The following ANKH variants were observed in gnomAD, a reference collection of about 807,000 sequenced individuals.
ANKH encodes mineralization regulator ANKH.
A neutral mutation model predicts 49.0 loss-of-function variants in ANKH; 15 were observed. The ratio of observed to expected loss-of-function variants is 0.31; its 90% CI spans 0.20 to 0.47. The LOEUF is 0.47. ANKH is among the 20% of genes least tolerant of loss of function. The pLI is 1.00. For missense variants in ANKH, 429 were observed against 652.0 expected, an observed-to-expected ratio of 0.66 and a Z score of 3.72; for synonymous variants, 273 against 260.0, an observed-to-expected ratio of 1.05 and a Z score of -0.48.
At chr5:14,771,937 A>AC (rs377017231) in intron 1 of ANKH, among the ~76,000 whole-genome samples, 18,627 of 140,392 alleles carry the variant, frequency 0.13, 1,826 homozygotes, top group East Asian at 0.43. Flanking sequence ...AAAAAAAAAA[A>AC]AAAAAAAAAA....
chr5:14,801,695 T>C (rs1383939611), intron 1 of ANKH, among the ~76,000 whole-genome samples: 1 of 152,184 alleles, frequency 6.6e-6, no homozygotes, highest in Non-Finnish European at 1.5e-5. Flanking sequence ...TCACCTCTAC[T>C]GTGACATGAA....
chr5:14,777,185 C>T (rs960780545), intron 1 of ANKH, among the ~76,000 whole-genome samples: 36 of 152,124 alleles, frequency 2.4e-4, no homozygotes, highest in Non-Finnish European at 4.6e-4. Flanking sequence ...ACTCTGGAGG[C>T]TGAGGCAGAA....
chr5:14,838,780 T>A (rs1741733318), intron 1 of ANKH, among the ~76,000 whole-genome samples: 1 of 152,160 alleles, frequency 6.6e-6, no homozygotes, highest in South Asian at 2.1e-4. Context: ...AATCACTTAA[T>A]GAGCATAACA....
chr5:14,823,963 C>T (rs1741268125), intron 1 of ANKH, among the ~76,000 whole-genome samples: 1 of 152,040 alleles, frequency 6.6e-6, no homozygotes, highest in Non-Finnish European at 1.5e-5. Context: ...CTTTCTTTCT[C>T]CCTGTGGTTC....
At chr5:14,808,281 T>C (rs1389178204) in intron 1 of ANKH, among the ~76,000 whole-genome samples, 1 of 152,134 alleles carries the variant, frequency 6.6e-6, no homozygotes, top group Non-Finnish European at 1.5e-5. Flanking sequence ...AATGTAGAGT[T>C]TGTAAATCTT....
At chr5:14,790,285 C>A (rs1740121438) in intron 1 of ANKH, among the ~76,000 whole-genome samples, 1 of 152,214 alleles carries the variant, frequency 6.6e-6, no homozygotes, top group Non-Finnish European at 1.5e-5. Flanking sequence ...AATTTTTAAA[C>A]CCCTCAAACA....
At chr5:14,793,076 TA>T (rs1740253834) in intron 1 of ANKH, among the ~76,000 whole-genome samples, 1 of 115,998 alleles carries the variant, frequency 8.6e-6, no homozygotes. Flanking sequence ...TATAAATATA[TA>T]AAAATATATA....
At position 14,738,007 on chromosome 5, in the gene ANKH, A is replaced by G. The variant is rs896074693; in HGVS notation, c.1011+3820T>C. Among the ~76,000 whole-genome samples, 20 of 152,254 alleles carry G rather than the reference A, an allele frequency of 1.3e-4. 1 individual carries two copies. In the South Asian group the frequency reaches 3.3e-3, roughly 25 times the overall value. On this transcript the variant is annotated intron_variant, in intron 8 of 11. Transcript: ENST00000284268. ...CAAGATGCTAACGGAAATGGCGAAC[A>G]TTTCCATTTTCCTACTCTACACCCC...
At chr5:14,778,731 C>T (rs751012765) in intron 1 of ANKH, among the ~76,000 whole-genome samples, 11 of 152,322 alleles carry the variant, frequency 7.2e-5, no homozygotes, top group Admixed American at 2.6e-4. Flanking sequence ...CTTAACCCCA[C>T]TCTTGCCAAA....
rs552173773 is a variant in ANKH, at chr5:14,740,675, C to G, written c.1011+1152G>C. Reference sequence around the variant, plus strand: ...AGGTGTTGGATCAACGGATCAAATACTAAGCTGCAGGCTTTCAAAATGTCC... The same window carrying G: ...AGGTGTTGGATCAACGGATCAAATAGTAAGCTGCAGGCTTTCAAAATGTCC... On this transcript the variant is annotated intron_variant, in intron 8 of 11. Coordinates refer to ENST00000284268, the MANE Select transcript of ANKH (RefSeq NM_054027.6). Among the ~76,000 whole-genome samples, 5 of 152,338 alleles carry G rather than the reference C, an allele frequency of 3.3e-5. No individual in the cohort carries two copies. The East Asian group carries it at 5.8e-4, about 18-fold the overall frequency.
intron 8 of ANKH, chr5:14,717,057 C>A: frequency 1.9e-6 from 1 of 537,934 alleles, no homozygotes; most frequent in Middle Eastern, 5.2e-4. Context: ...GGGACCCCCA[C>A]GGCAGAGCAG....
chr5:14,839,339 G>A (rs1279074136), intron 1 of ANKH, among the ~76,000 whole-genome samples: 1 of 152,060 alleles, frequency 6.6e-6, no homozygotes, highest in Non-Finnish European at 1.5e-5. Flanking sequence ...AAGTAAAAAT[G>A]CTAACATCGA....
At chr5:14,718,608 C>T (rs1348838461) in intron 8 of ANKH, among the ~76,000 whole-genome samples, 5 of 151,976 alleles carry the variant, frequency 3.3e-5, no homozygotes, top group Admixed American at 6.6e-5. Context: ...GTCAGGAGTT[C>T]GAGACCAGCC....
In ANKH at chr5:14,830,042, C is replaced by T. The variant is rs185003024; in HGVS notation, c.96+41310G>A. Among the ~76,000 whole-genome samples, 120 of 152,270 alleles carry T rather than the reference C, an allele frequency of 7.9e-4. 1 individual carries two copies. The highest frequency in any genetic ancestry group is 7.8e-3 in the Admixed American group (120 of 15,300). ...CTTTTGTCTGTATGAGAGATGGAGG[C>T]ATGAATTGATGTGAAGAAAGTCCAG... On this transcript the variant is annotated intron_variant, in intron 1 of 11. Transcript: ENST00000284268.
intron 8 of ANKH, among the ~76,000 whole-genome samples, chr5:14,726,925 C>T (rs531190386): frequency 6.6e-6 from 1 of 152,286 alleles, no homozygotes; most frequent in Admixed American, 6.5e-5. Flanking sequence ...GCCACGTGTT[C>T]CCGATACAGC....
At chr5:14,843,549 GA>G (rs60487783) in intron 1 of ANKH, among the ~76,000 whole-genome samples, 7,870 of 60,488 alleles carry the variant, frequency 0.13, 196 homozygotes, top group Admixed American at 0.17. Flanking sequence ...GGGGATTAGC[GA>G]AAAAAAAAAA....
intron 1 of ANKH, among the ~76,000 whole-genome samples, chr5:14,858,524 T>C (rs966008978): frequency 6.6e-6 from 1 of 152,140 alleles, no homozygotes; most frequent in Non-Finnish European, 1.5e-5. Context: ...GAGATAAGCC[T>C]GGCCAGCATG....
chr5:14,777,075 A>T (rs1739649604), intron 1 of ANKH, among the ~76,000 whole-genome samples: 1 of 152,200 alleles, frequency 6.6e-6, no homozygotes, highest in African/African-American at 2.4e-5. Flanking sequence ...TGAAGTCAGG[A>T]GTTTGAGACC....
chr5:14,817,675 C>T (rs1741078854), intron 1 of ANKH, among the ~76,000 whole-genome samples: 1 of 152,158 alleles, frequency 6.6e-6, no homozygotes, highest in African/African-American at 2.4e-5. Flanking sequence ...TGAATTTCCC[C>T]AGGGTATTCT....
Sources: allele counts gnomAD v4.1 joint callset (sites outside exome capture counted in the v4.1 genomes callset), GRCh38; gene constraint gnomAD v4.1.1; transcripts MANE v1.5; gene names NCBI Gene and HGNC (gene_info 2026-07-23, HGNC 2026-07-21).